LANCL2: variants seen among roughly 807,000 people sequenced by gnomAD.
The protein encoded by LANCL2 is lanC-like protein 2.
In LANCL2, 33 loss-of-function variants were observed where a neutral mutation model predicts 56.9. The observed-to-expected ratio is 0.58, with a 90% CI of 0.44 to 0.78. The LOEUF is 0.78. Ranked by LOEUF, LANCL2 falls within the 30% of genes least tolerant of loss-of-function variation. LANCL2 has a pLI of 0.00. For synonymous variants in LANCL2, 233 were observed against 228.2 expected, an observed-to-expected ratio of 1.02 and a Z score of -0.19; for missense variants, 562 against 580.2, an observed-to-expected ratio of 0.97 and a Z score of 0.32.
chr7:55,419,217 A>AT (rs1426004211), intron 6 of LANCL2, among the ~76,000 whole-genome samples: 2 of 151,908 alleles, frequency 1.3e-5, no homozygotes, highest in Admixed American at 6.6e-5. Context: ...TTGTGGGAAA[A>AT]TTTTTTATTA....
rs529759779 is a variant in LANCL2 at position 55,402,739 on chromosome 7, G to A, written c.825+1419G>A. The stretch of plus-strand genomic sequence containing the variant: ...CTCCCAGACGGGGTGGCTGCCGGGC[G>A]GAGACGCTCCTCACTTCTCAGACGG... On this transcript the variant is annotated intron_variant, in intron 5 of 8. Transcript: ENST00000254770. Among the ~76,000 whole-genome samples the A allele has an allele frequency of 1.1e-4, 14 of 123,934 alleles. 4 individuals are homozygous for A. Among genetic ancestry groups the A allele is most frequent in the African/African-American group, 1.9e-4 (6 of 31,580 alleles). 81.3% of individuals were successfully genotyped at this position (123,934 alleles called of 152,430 possible). A position where few individuals can be genotyped will look rare whatever the true frequency, so the allele number is the denominator to read the frequency against.
At chr7:55,380,754 G>A (rs1790057884) in intron 1 of LANCL2, among the ~76,000 whole-genome samples, 1 of 151,694 alleles carries the variant, frequency 6.6e-6, no homozygotes, top group South Asian at 2.1e-4. Flanking sequence ...GCGTGTTACA[G>A]TGCGTGATTG....
intron 8 of LANCL2, among the ~76,000 whole-genome samples, 154 bp from the exon 9 acceptor site, chr7:55,431,072 T>A (rs1297469679): frequency 6.6e-6 from 1 of 152,218 alleles, no homozygotes. Flanking sequence ...GTGCTAAATA[T>A]AAGGATATCT....
intron 8 of LANCL2, among the ~76,000 whole-genome samples, chr7:55,429,931 G>A (rs1293276489): frequency 6.6e-6 from 1 of 152,274 alleles, no homozygotes; most frequent in East Asian, 1.9e-4. Context: ...CGTGTGCCTA[G>A]CAATGCAGGC....
At chr7:55,424,094 C>G (rs540180513) in intron 6 of LANCL2, among the ~76,000 whole-genome samples, 1 of 152,240 alleles carries the variant, frequency 6.6e-6, no homozygotes, top group South Asian at 2.1e-4. Context: ...TAGTGATGAC[C>G]TTTGTGCCTC....
intron 5 of LANCL2, among the ~76,000 whole-genome samples, chr7:55,401,876 A>C (rs1485636822): frequency 7.9e-6 from 1 of 126,182 alleles, no homozygotes; most frequent in Non-Finnish European, 1.7e-5. Flanking sequence ...ACAGATCAAC[A>C]GGATCCCAAG....
chr7:55,400,498 A>G (rs954299740), intron 4 of LANCL2, among the ~76,000 whole-genome samples: 1 of 152,160 alleles, frequency 6.6e-6, no homozygotes, highest in African/African-American at 2.4e-5. Flanking sequence ...CCCTCAGCCT[A>G]TGAAGGGAAA....
At chr7:55,392,002 T>A in intron 2 of LANCL2, 92 bp downstream of exon 2, 1 of 801,512 alleles carries the variant, frequency 1.2e-6, no homozygotes, top group Non-Finnish European at 2.1e-6. Flanking sequence ...TTTAAAATGG[T>A]AAAGATTTGG....
At chr7:55,404,020 C>A (rs1168998990) in intron 5 of LANCL2, among the ~76,000 whole-genome samples, 1 of 152,176 alleles carries the variant, frequency 6.6e-6, no homozygotes. Flanking sequence ...TGTCAGTTGT[C>A]TTCTGTGCTT....
intron 6 of LANCL2, among the ~76,000 whole-genome samples, chr7:55,417,649 T>C (rs1790559374): frequency 6.6e-6 from 1 of 152,206 alleles, no homozygotes; most frequent in African/African-American, 2.4e-5. Flanking sequence ...GTGCATTGAA[T>C]CATTGAATCT....
chr7:55,419,121 C>T (rs1790577858), intron 6 of LANCL2, among the ~76,000 whole-genome samples: 1 of 151,952 alleles, frequency 6.6e-6, no homozygotes, highest in Non-Finnish European at 1.5e-5. Context: ...CAGGATTATG[C>T]TGGTCACGTA....
intron 1 of LANCL2, among the ~76,000 whole-genome samples, chr7:55,386,112 A>T (rs960760773): frequency 6.6e-6 from 1 of 152,154 alleles, no homozygotes; most frequent in Non-Finnish European, 1.5e-5. Context: ...CGCATTTCAT[A>T]TTGCCCAAAC....
At chr7:55,389,330 A>G (rs908969322) in intron 1 of LANCL2, among the ~76,000 whole-genome samples, 23 of 152,206 alleles carry the variant, frequency 1.5e-4, no homozygotes, top group Non-Finnish European at 5.9e-5. Flanking sequence ...CATCCTGCCA[A>G]TGAAGAGGGT....
chr7:55,405,670 A>T (rs1583757676), intron 5 of LANCL2, among the ~76,000 whole-genome samples: 1 of 147,574 alleles, frequency 6.8e-6, no homozygotes, highest in Non-Finnish European at 1.5e-5. Context: ...TTTTTTTTTT[A>T]ATGCTAATTC....
intron 1 of LANCL2, among the ~76,000 whole-genome samples, chr7:55,382,849 A>G (rs1006092623): frequency 6.6e-6 from 1 of 152,220 alleles, no homozygotes; most frequent in Non-Finnish European, 1.5e-5. Context: ...CTACACCATA[A>G]TTTCTAATCT....
chr7:55,416,279 T>A (rs1174214587), intron 6 of LANCL2, among the ~76,000 whole-genome samples: 1 of 151,952 alleles, frequency 6.6e-6, no homozygotes, highest in Non-Finnish European at 1.5e-5. Flanking sequence ...TCTCTTCATA[T>A]CTTCTTCTTA....
At chr7:55,405,721 T>C (rs1398512967) in intron 5 of LANCL2, among the ~76,000 whole-genome samples, 1 of 152,110 alleles carries the variant, frequency 6.6e-6, no homozygotes, top group Non-Finnish European at 1.5e-5. Flanking sequence ...TGCCAGTGTC[T>C]TTCATGTGTT....
At chr7:55,369,386 G>T (rs1789911856) in intron 1 of LANCL2, among the ~76,000 whole-genome samples, 1 of 152,130 alleles carries the variant, frequency 6.6e-6, no homozygotes, top group Non-Finnish European at 1.5e-5. Flanking sequence ...TAGTTTGGCT[G>T]CCTAGGTATG....
At chr7:55,391,424 A>C (rs575265496) in intron 1 of LANCL2, among the ~76,000 whole-genome samples, 4 of 152,232 alleles carry the variant, frequency 2.6e-5, no homozygotes, top group Non-Finnish European at 5.9e-5. Context: ...TATATCTTAT[A>C]TTCTATGTAT....
Sources: allele counts gnomAD v4.1 joint callset (sites outside exome capture counted in the v4.1 genomes callset), GRCh38; gene constraint gnomAD v4.1.1; transcripts MANE v1.5; gene names NCBI Gene and HGNC (gene_info 2026-07-23, HGNC 2026-07-21).